The following NF2 variants were observed in gnomAD, a reference collection of about 807,000 sequenced individuals.
NF2 encodes NF2, moesin-ezrin-radixin like (MERLIN) tumor suppressor, also known as merlin.
In NF2, 8 loss-of-function variants were observed where a neutral mutation model predicts 83.7. The ratio of observed to expected loss-of-function variants is 0.10; its 90% confidence interval spans 0.06 to 0.17. The LOEUF is 0.17. Ranked by LOEUF, NF2 falls within the 10% of genes least tolerant of loss-of-function variation. The pLI is 1.00. For missense variants in NF2, 533 were observed against 744.4 expected, an observed-to-expected ratio of 0.72 and a Z score of 3.31; for synonymous variants, 266 against 269.6, an observed-to-expected ratio of 0.99 and a Z score of 0.13.
intron 1 of NF2, among the ~76,000 whole-genome samples, chr22:29,623,904 C>T (rs1424646312): frequency 1.3e-5 from 2 of 152,190 alleles, no homozygotes; most frequent in East Asian, 1.9e-4. Context: ...TCAGCTTTAG[C>T]GTCTTATTTT....
chr22:29,665,491 G>A (rs1171015326), intron 9 of NF2, among the ~76,000 whole-genome samples: 4 of 152,138 alleles, frequency 2.6e-5, no homozygotes, highest in Non-Finnish European at 5.9e-5. Flanking sequence ...TGACCCATCC[G>A]CCTGGGCTTC....
At chr22:29,692,682 T>C (rs2267152) in intron 15 of NF2, among the ~76,000 whole-genome samples, 20,970 of 152,212 alleles carry the variant, frequency 0.14, 1,748 homozygotes, top group East Asian at 0.25. Context: ...CGTGACCTTG[T>C]TGTTGCCTGC....
chr22:29,662,695 A>G (rs1319763172), intron 8 of NF2, among the ~76,000 whole-genome samples: 1 of 152,234 alleles, frequency 6.6e-6, no homozygotes, highest in Non-Finnish European at 1.5e-5. Flanking sequence ...TCTCTGTGTC[A>G]CATCAGGAAG....
chr22:29,607,041 T>C (rs1032155298), intron 1 of NF2, among the ~76,000 whole-genome samples: 1 of 152,146 alleles, frequency 6.6e-6, no homozygotes, highest in Non-Finnish European at 1.5e-5. Context: ...AGCTCTGTCC[T>C]GTCACAAAAC....
At chr22:29,606,066 C>G (rs1437292123) in intron 1 of NF2, among the ~76,000 whole-genome samples, 1 of 152,198 alleles carries the variant, frequency 6.6e-6, no homozygotes, top group African/African-American at 2.4e-5. Flanking sequence ...GCGATTCTCC[C>G]ACATCAGCCT....
At chr22:29,606,153 C>T (rs2064790428) in intron 1 of NF2, among the ~76,000 whole-genome samples, 1 of 152,184 alleles carries the variant, frequency 6.6e-6, no homozygotes, top group African/African-American at 2.4e-5. Context: ...AGGGTTTCTC[C>T]ATGTTGGTCA....
chr22:29,604,113 G>A lies in NF2; in HGVS notation c.114+1G>A, dbSNP rs2146661259. The A allele has an allele frequency of 6.3e-7, 1 of 1,597,568 alleles. No individual in the cohort carries two copies. Among genetic ancestry groups the A allele is most frequent in the Admixed American group, 1.7e-5 (1 of 57,424 alleles). On this transcript the variant is annotated splice_donor_variant, in intron 1 of 15. Transcript: ENST00000338641. LOFTEE classifies it high-confidence loss of function. Reference sequence around the variant, plus strand: ...CGCCGAGATGGAGTTCAATTGCGAGGTAACCGGCCGGCAGCCCCGACTGCT... The same window carrying A: ...CGCCGAGATGGAGTTCAATTGCGAGATAACCGGCCGGCAGCCCCGACTGCT...
intron 15 of NF2, among the ~76,000 whole-genome samples, chr22:29,693,704 G>A (rs576109699): frequency 6.6e-6 from 1 of 152,108 alleles, no homozygotes; most frequent in Non-Finnish European, 1.5e-5. Flanking sequence ...TGCCTCTCCC[G>A]CGAACCTCAG....
At chr22:29,643,821 G>T (rs1390932920) in intron 4 of NF2, among the ~76,000 whole-genome samples, 1 of 152,202 alleles carries the variant, frequency 6.6e-6, no homozygotes, top group African/African-American at 2.4e-5. Flanking sequence ...CTCCCAGACG[G>T]GGTGGTGGCC....
intron 14 of NF2, among the ~76,000 whole-genome samples, chr22:29,681,130 A>G (rs185799299): frequency 4.7e-4 from 71 of 151,888 alleles, no homozygotes; most frequent in African/African-American, 1.6e-3. Context: ...GGCTCAAGCA[A>G]TCCTCCTGCC....
intron 1 of NF2, among the ~76,000 whole-genome samples, chr22:29,619,381 G>GTTTT (rs1212285637): frequency 1.7e-4 from 24 of 144,570 alleles, no homozygotes; most frequent in East Asian, 1.6e-3. Context: ...TCTCCCATGG[G>GTTTT]TTTTTTTTGT....
chr22:29,685,951 C>G (rs1392839086), intron 15 of NF2, among the ~76,000 whole-genome samples: 1 of 148,848 alleles, frequency 6.7e-6, no homozygotes, highest in Non-Finnish European at 1.5e-5. Flanking sequence ...CTCGCTCGCT[C>G]TCTCTTTTTT....
At chr22:29,678,065 G>A in intron 13 of NF2, 131 bp from the exon 14 acceptor site, 1 of 1,110,142 alleles carries the variant, frequency 9.0e-7, no homozygotes, top group Non-Finnish European at 1.4e-6. Context: ...GGGACTCGTG[G>A]TGGCATTGGG....
In NF2 at chr22:29,635,397, C is replaced by T. The variant is rs1179355330; in HGVS notation, c.115-1354C>T. 2.6e-5 allele frequency among the ~76,000 whole-genome samples: 4 copies of T among 152,172 alleles called. No homozygotes were observed. In the East Asian group the frequency reaches 7.7e-4, roughly 29 times the overall value. ...AGGCTGGAGTGCAGTGGCATGATCTCGGCTCACTGCAACCTCCGCCTCCCG... is the reference window on the plus strand; with the variant it reads ...AGGCTGGAGTGCAGTGGCATGATCTTGGCTCACTGCAACCTCCGCCTCCCG... On this transcript the variant is annotated intron_variant, in intron 1 of 15. Coordinates refer to ENST00000338641, the MANE Select transcript of NF2 (RefSeq NM_000268.4).
intron 15 of NF2, among the ~76,000 whole-genome samples, chr22:29,686,316 T>A (rs1249595203): frequency 1.3e-5 from 2 of 152,250 alleles, no homozygotes; most frequent in East Asian, 3.8e-4. Context: ...TTGTATTAAT[T>A]GCTACGTGGC....
intron 1 of NF2, among the ~76,000 whole-genome samples, chr22:29,621,965 G>C (rs972425573): frequency 6.6e-6 from 1 of 152,136 alleles, no homozygotes; most frequent in African/African-American, 2.4e-5. Context: ...TAAGTGATGG[G>C]ACTGAGATTT....
chr22:29,621,853 A>G, intron 1 of NF2, among the ~76,000 whole-genome samples: 1 of 152,068 alleles, frequency 6.6e-6, no homozygotes, highest in Middle Eastern at 3.2e-3. Flanking sequence ...TTTGCCTGGA[A>G]TGCCATTCTC....
intron 4 of NF2, among the ~76,000 whole-genome samples, chr22:29,650,643 C>T (rs2066122986): frequency 6.6e-6 from 1 of 151,194 alleles, no homozygotes; most frequent in Admixed American, 6.6e-5. Flanking sequence ...CTTTGCTCCC[C>T]TCCCCTCCCC....
intron 4 of NF2, among the ~76,000 whole-genome samples, chr22:29,643,317 A>C (rs1053859712): frequency 7.0e-6 from 1 of 143,552 alleles, no homozygotes; most frequent in Non-Finnish European, 1.5e-5. Flanking sequence ...TTTATTGATC[A>C]TTCTTGGGTG....
Sources: gnomAD v4.1 joint callset for allele counts (sites outside exome capture counted in the v4.1 genomes callset) on GRCh38, gnomAD v4.1.1 for gene constraint, MANE v1.5 for transcripts, NCBI Gene and HGNC (gene_info 2026-07-23, HGNC 2026-07-21) for gene names.